DLG2: variants seen among roughly 807,000 people sequenced by gnomAD.
DLG2 encodes discs large MAGUK scaffold protein 2, also known as disks large homolog 2.
A neutral mutation model predicts 132.5 loss-of-function variants in DLG2; 45 were observed. That is an observed-to-expected ratio of 0.34 (90% CI 0.27 to 0.44). DLG2 has a LOEUF of 0.44. Among genes scored for constraint, DLG2 ranks in the 20% least tolerant of loss-of-function variants. The pLI, the probability that DLG2 is intolerant of heterozygous loss-of-function variation, is 1.00. For missense variants in DLG2, 1,045 were observed against 1,196.9 expected (o/e 0.87, Z 1.87); for synonymous variants, 424 against 419.6 (o/e 1.01, Z -0.13).
chr11:83,714,110 G>A (rs2086132650), intron 18 of DLG2, among the ~76,000 whole-genome samples: 1 of 152,102 alleles, frequency 6.6e-6, no homozygotes, highest in African/African-American at 2.4e-5. Flanking sequence ...TAACAAAACA[G>A]AAACAGTTGG....
At chr11:85,435,703 G>A (rs959652685) in intron 3 of DLG2, among the ~76,000 whole-genome samples, 1 of 152,156 alleles carries the variant, frequency 6.6e-6, no homozygotes, top group African/African-American at 2.4e-5. Flanking sequence ...TCATGGATAG[G>A]AAGAGTTAAT....
At chr11:84,827,056 G>A (rs1023988844) in intron 6 of DLG2, among the ~76,000 whole-genome samples, 4 of 151,524 alleles carry the variant, frequency 2.6e-5, no homozygotes, top group Admixed American at 6.6e-5. Context: ...GGTGTGGTAC[G>A]GCCTCTAAAG....
intron 19 of DLG2, among the ~76,000 whole-genome samples, chr11:83,575,712 C>T (rs542997012): frequency 6.6e-6 from 1 of 152,232 alleles, no homozygotes; most frequent in South Asian, 2.1e-4. Context: ...AGTAGTAAAA[C>T]ATAATTACCC....
chr11:84,402,881 C>CAAAAAAAAAAAAAAAAAAAAAA lies in DLG2; in HGVS notation c.519+131688_519+131689insTTTTTTTTTTTTTTTTTTTTTT, dbSNP rs34476380. 1.3e-3 allele frequency among the ~76,000 whole-genome samples: 95 copies of CAAAAAAAAAAAAAAAAAAAAAA among 73,864 alleles called. 10 individuals carry two copies. The highest frequency in any genetic ancestry group is 5.2e-3 in the African/African-American group (50 of 9,538). The allele number at this position is 73,864 out of a possible 152,430, so 48.5% of individuals were successfully genotyped here. ...TGGGCGACAGAGCGAAACTCCGTCT[C>CAAAAAAAAAAAAAAAAAAAAAA]AAAAAAAAAAAAAAAAAAAATTAAC... is the stretch of plus-strand genomic sequence containing the variant. On this transcript the variant is annotated intron_variant, in intron 7 of 27. Transcript: ENST00000376104.
intron 6 of DLG2, among the ~76,000 whole-genome samples, chr11:84,840,841 G>T (rs1202556223): frequency 6.6e-6 from 1 of 152,004 alleles, no homozygotes; most frequent in African/African-American, 2.4e-5. Flanking sequence ...AGCCTGTCCT[G>T]GGGTAGGGGG....
intron 6 of DLG2, among the ~76,000 whole-genome samples, chr11:85,079,415 T>C (rs905398779): frequency 9.9e-5 from 15 of 152,000 alleles, no homozygotes; most frequent in African/African-American, 3.6e-4. Flanking sequence ...GAACTCATGT[T>C]TAAGGTTAAC....
chr11:84,459,919 A>G (rs1349139448), intron 7 of DLG2, among the ~76,000 whole-genome samples: 2 of 150,628 alleles, frequency 1.3e-5, no homozygotes, highest in Admixed American at 1.3e-4. Flanking sequence ...CATAATAGGT[A>G]TGACAACTGT....
intron 5 of DLG2, among the ~76,000 whole-genome samples, chr11:85,152,574 C>T (rs775965529): frequency 8.5e-5 from 13 of 152,136 alleles, no homozygotes; most frequent in Non-Finnish European, 1.2e-4. Context: ...CATGGGCTAC[C>T]GCACCCAGCT....
intron 7 of DLG2, among the ~76,000 whole-genome samples, chr11:84,507,235 G>C (rs1264294460): frequency 6.6e-6 from 1 of 152,136 alleles, no homozygotes; most frequent in South Asian, 2.1e-4. Context: ...GGAGTTCACA[G>C]TTTAAGGGAG....
At chr11:85,600,395 A>T (rs1022386796) in intron 2 of DLG2, among the ~76,000 whole-genome samples, 1 of 152,186 alleles carries the variant, frequency 6.6e-6, no homozygotes, top group Non-Finnish European at 1.5e-5. Flanking sequence ...TTTTTTCACT[A>T]GGCTTCCACA....
chr11:84,096,892 A>G (rs1315075879), intron 10 of DLG2, among the ~76,000 whole-genome samples: 2 of 60,632 alleles, frequency 3.3e-5, no homozygotes, highest in East Asian at 3.7e-4. Flanking sequence ...AAAGATGCAC[A>G]TTTACCTGAA....
intron 3 of DLG2, among the ~76,000 whole-genome samples, chr11:85,461,433 G>A (rs1340109958): frequency 6.6e-6 from 1 of 151,970 alleles, no homozygotes; most frequent in East Asian, 1.9e-4. Context: ...CTGACATTTG[G>A]GCAAAAAACA....
chr11:84,558,097 A>C (rs1435895620), intron 6 of DLG2, among the ~76,000 whole-genome samples: 1 of 152,210 alleles, frequency 6.6e-6, no homozygotes, highest in Non-Finnish European at 1.5e-5. Context: ...AAAGGAGTCA[A>C]GGATCATTCA....
rs192141543 is a variant in DLG2, at chr11:85,262,176, C to T, written c.186+23044G>A. Among the ~76,000 whole-genome samples the T allele has an allele frequency of 6.6e-5, 10 of 152,218 alleles. No individual in the cohort carries two copies. In the South Asian group the frequency reaches 8.3e-4, roughly 13 times the overall value. On this transcript the variant is annotated intron_variant, in intron 4 of 27. Transcript: ENST00000376104. ...ACAGTGTTGGGGACAAGGGTCCCAC[C>T]TAGAGGCCAGGATTTCTGATCCGGA...
intron 4 of DLG2, among the ~76,000 whole-genome samples, chr11:85,236,861 C>G (rs547134640): frequency 8.2e-4 from 124 of 152,088 alleles, no homozygotes; most frequent in Non-Finnish European, 1.3e-3. Context: ...TCCAGGTATC[C>G]AACAATTTCA....
chr11:85,179,555 G>C (rs1412483162), intron 4 of DLG2, among the ~76,000 whole-genome samples: 2 of 151,648 alleles, frequency 1.3e-5, no homozygotes, highest in South Asian at 2.1e-4. Flanking sequence ...ATGCCAAAAA[G>C]ATAACCAATT....
chr11:83,992,139 G>A (rs149372905), intron 11 of DLG2, among the ~76,000 whole-genome samples: 3 of 152,258 alleles, frequency 2.0e-5, no homozygotes, highest in Admixed American at 1.3e-4. Flanking sequence ...GAACTAACCT[G>A]TGCCAGCCTT....
intron 6 of DLG2, among the ~76,000 whole-genome samples, chr11:85,097,397 C>T (rs896456321): frequency 1.3e-5 from 2 of 152,172 alleles, no homozygotes; most frequent in Admixed American, 1.3e-4. Flanking sequence ...CTCAGAAGCT[C>T]AGTTGGCTTC....
At chr11:84,629,594 T>C (rs992428420) in intron 6 of DLG2, among the ~76,000 whole-genome samples, 2 of 152,238 alleles carry the variant, frequency 1.3e-5, no homozygotes, top group Non-Finnish European at 2.9e-5. Context: ...GGTTATAATA[T>C]TTAGCAAGTA....
Sources: allele counts gnomAD v4.1 joint callset (sites outside exome capture counted in the v4.1 genomes callset), GRCh38; gene constraint gnomAD v4.1.1; transcripts MANE v1.5; gene names NCBI Gene and HGNC (gene_info 2026-07-23, HGNC 2026-07-21).